RP1L1: variants seen among roughly 807,000 people sequenced by gnomAD.
RP1L1 encodes retinitis pigmentosa 1-like 1 protein.
In RP1L1, 27 loss-of-function variants were observed where a neutral mutation model predicts 15.7. The ratio of observed to expected loss-of-function variants is 1.72; its 90% confidence interval spans 1.27 to 2.38. RP1L1 has a LOEUF of 2.38. Ranked by LOEUF, RP1L1 falls within the 30% of genes most tolerant of loss-of-function variation. The probability of loss-of-function intolerance (pLI) is 0.00; values close to 1 mark genes in which losing one functional copy is unlikely to be tolerated. For synonymous variants in RP1L1, 1,813 were observed against 1,276.7 expected, an observed-to-expected ratio of 1.42 and a Z score of -8.96; for missense variants, 4,798 against 3,075.9, an observed-to-expected ratio of 1.56 and a Z score of -13.24.
rs780322768 is a variant in RP1L1, at chr8:10,622,621, T to C, written c.581A>G (p.Lys194Arg). The C allele has an allele frequency of 3.1e-6, 5 of 1,614,090 alleles. No homozygotes were observed. The South Asian group carries it at 3.3e-5, about 11-fold the overall frequency. The change falls in exon 2 of 4, where the codon AAG becomes AGG. Residue 194 changes from lysine to arginine, a missense_variant. Coordinates refer to ENST00000382483, the MANE Select transcript of RP1L1 (RefSeq NM_178857.6). ...KASDLLRFPV[K>R]QLYTTSGKKV... The stretch of plus-strand genomic sequence containing the variant: ...TTTCCCGCTGGTCGTGTACAACTGC[T>C]TCACAGGAAAGCGCAGGAGATCTGA...
Position 10,606,840 on chromosome 8 carries a change from AT to A in RP1L1, c.*54del. On this transcript the variant is annotated 3_prime_UTR_variant, in exon 4 of 4. Coordinates refer to ENST00000382483, the MANE Select transcript of RP1L1 (RefSeq NM_178857.6). ...AACGTTGCTCAGTTTTGTAGAAAAA[AT>A]ATGAATAAAAACAGAGCTCCCAAGC... 1 of 1,611,162 alleles carries A rather than the reference AT, an allele frequency of 6.2e-7. No individual in the cohort carries two copies. Among genetic ancestry groups the A allele is most frequent in the Admixed American group, 1.7e-5 (1 of 59,998 alleles).
intron 1 of RP1L1, among the ~76,000 whole-genome samples, chr8:10,634,521 T>C (rs1263849306): frequency 6.6e-6 from 1 of 152,186 alleles, no homozygotes; most frequent in East Asian, 1.9e-4. Flanking sequence ...GGTCTGGTGT[T>C]GCTGTGTGGA....
At chr8:10,638,702 G>C (rs1798365031) in intron 1 of RP1L1, among the ~76,000 whole-genome samples, 1 of 152,224 alleles carries the variant, frequency 6.6e-6, no homozygotes, top group African/African-American at 2.4e-5. Context: ...CAAAGAAAGA[G>C]TTAACGTAGC....
At position 10,610,979 on chromosome 8, in the gene RP1L1, T is replaced by A; in HGVS notation, c.3119A>T (p.Glu1040Val). The A allele has an allele frequency of 6.2e-7, 1 of 1,612,486 alleles. No individual in the cohort carries two copies. Among genetic ancestry groups the A allele is most frequent in the African/African-American group, 1.3e-5 (1 of 75,016 alleles). ...GSSDTGPQSG[E>V]GVPQGAAPEG... is the part of the protein sequence containing the mutation. ...TGGAGCTGCCCCTTGGGGGACACCC[T>A]CTCCTGATTGGGGACCAGTGTCACT... Residue 1040 changes from glutamate (E) to valine (V), a missense_variant, in exon 4 of 4, where the codon GAG (glutamate) becomes GTG (valine). Transcript: ENST00000382483.
chr8:10,648,688 T>A (rs571506063), intron 1 of RP1L1, among the ~76,000 whole-genome samples: 3 of 152,308 alleles, frequency 2.0e-5, no homozygotes, highest in East Asian at 3.9e-4. Context: ...CGAAAGGCAA[T>A]GAGATCCAGT....
intron 3 of RP1L1, among the ~76,000 whole-genome samples, chr8:10,615,380 T>A (rs1334372802): frequency 6.6e-6 from 1 of 152,190 alleles, no homozygotes; most frequent in Non-Finnish European, 1.5e-5. Flanking sequence ...GATATATGGT[T>A]GGTTGTATGG....
chr8:10,629,033 T>C (rs1798200565), intron 1 of RP1L1, among the ~76,000 whole-genome samples: 1 of 152,184 alleles, frequency 6.6e-6, no homozygotes, highest in East Asian at 1.9e-4. Flanking sequence ...GCTCGGCACA[T>C]CACAAGTGCT....
chr8:10,612,902 C>A lies in RP1L1; in HGVS notation c.1196G>T (p.Gly399Val). The change falls in exon 4 of 4, where the codon GGG (glycine) becomes GTG (valine). Residue 399 changes from glycine (G) to valine (V), a missense_variant. Physicochemically the swap from Gly to Val is moderately radical, Grantham distance 109 (BLOSUM62 -3). Transcript: ENST00000382483. ...VGCREVFGRG[G>V]QPGPKYEIWT... ...GATTTCATACTTGGGCCCTGGCTGC[C>A]CGCCTCGGCCAAAGACTTCCCTGCA... The A allele has an allele frequency of 6.2e-7, 1 of 1,613,060 alleles. No individual in the cohort carries two copies. The highest frequency in any genetic ancestry group is 8.5e-7 in the Non-Finnish European group (1 of 1,179,934).
At chr8:10,631,957 G>A (rs1215805166) in intron 1 of RP1L1, among the ~76,000 whole-genome samples, 4 of 152,174 alleles carry the variant, frequency 2.6e-5, no homozygotes, top group South Asian at 2.1e-4. Context: ...TGACACTTGC[G>A]GTGGCCCCAG....
rs764167908 is a variant in RP1L1, at chr8:10,611,992, T to G, written c.2106A>C (p.Pro702=). Residue 702 remains proline, a synonymous_variant, in exon 4 of 4, where the codon CCA becomes CCC. Transcript: ENST00000382483. ...TGCTCGATGAGCTTCCAGAATATCG[T>G]GGCACTGAGCCATCCTGGCAGGCCC... ...RRRACQDGSV[P]RYSGSSSSTR... The G allele has an allele frequency of 1.2e-6, 2 of 1,613,802 alleles. No homozygotes were observed. Among genetic ancestry groups the G allele is most frequent in the Non-Finnish European group, 1.7e-6 (2 of 1,179,984 alleles).
At chr8:10,624,761 G>A (rs559490552) in intron 1 of RP1L1, among the ~76,000 whole-genome samples, 16 of 152,178 alleles carry the variant, frequency 1.1e-4, no homozygotes, top group East Asian at 1.9e-4. Flanking sequence ...TCCCTGCGTC[G>A]GGGTGTTCAA....
Position 10,608,913 on chromosome 8 carries a change from C to T in RP1L1, c.5185G>A (p.Gly1729Arg), listed in dbSNP as rs781148477. ...CCCTGGCTCAGCCCCGGCCCCAGCC[C>T]TCCCTCAGCTCCCTGGACAGTCCTA... ...STRTVQGAEG[G>R]LGPGLSQGPG... is the part of the protein sequence containing the mutation. The change falls in exon 4 of 4, where the codon GGG (glycine) becomes AGG (arginine). Residue 1729 changes from glycine to arginine, a missense_variant. By Grantham distance (125) the Gly-to-Arg change is moderately radical. Transcript: ENST00000382483. 3.1e-5 allele frequency: 50 copies of T among 1,613,970 alleles called. No homozygotes were observed. The South Asian group carries it at 5.3e-4, about 17-fold the overall frequency.
At position 10,612,422 on chromosome 8, in the gene RP1L1, G is replaced by C. The variant is rs759633864; in HGVS notation, c.1676C>G (p.Ala559Gly). The change falls in exon 4 of 4, where the codon GCA becomes GGA. Residue 559 changes from alanine (A) to glycine (G), a missense_variant. Physicochemically the swap from Ala to Gly is moderately conservative, Grantham distance 60 (BLOSUM62 0). Transcript: ENST00000382483. ...GGRPQGCPGK[A>G]RAETSQQEAS... ...CTCCTGCTGAGAGGTCTCGGCCCTT[G>C]CCTTGCCTGGACAGCCCTGGGGCCG... 6.2e-7 allele frequency: 1 copy of C among 1,612,520 alleles called. No individual in the cohort carries two copies. The highest frequency in any genetic ancestry group is 1.7e-5 in the Admixed American group (1 of 60,012).
intron 2 of RP1L1, among the ~76,000 whole-genome samples, chr8:10,619,789 A>T (rs1798029366): frequency 6.6e-6 from 1 of 151,550 alleles, no homozygotes; most frequent in African/African-American, 2.4e-5. Flanking sequence ...AACCCAAAAC[A>T]AACAACAACA....
chr8:10,641,378 A>G (rs182934063), intron 1 of RP1L1, among the ~76,000 whole-genome samples: 17 of 152,342 alleles, frequency 1.1e-4, no homozygotes, highest in African/African-American at 3.8e-4. Context: ...GTGACCTTGT[A>G]TCAATGAGAA....
chr8:10,618,471 C>G (rs1453878122), intron 2 of RP1L1, among the ~76,000 whole-genome samples: 1 of 152,196 alleles, frequency 6.6e-6, no homozygotes, highest in Non-Finnish European at 1.5e-5. Flanking sequence ...CGTGCCACTG[C>G]ACTCCAGCCT....
In RP1L1 at chr8:10,610,040, T is replaced by C. The variant is rs747592079; in HGVS notation, c.4058A>G (p.Glu1353Gly). Residue 1353 changes from glutamate (E) to glycine (G), a missense_variant, in exon 4 of 4, where the codon GAG becomes GGG. Transcript: ENST00000382483. ...ETEGEGQQEE[E>G]AQLEEIEETG... ...TTCTTCAATTTCCTCTAACTGCGCC[T>C]CTTCTTCTTGCTGTCCTTCTCCTTC... 3.0e-5 allele frequency: 44 copies of C among 1,468,738 alleles called. 1 individual carries two copies. In the African/African-American group the frequency reaches 3.6e-4, roughly 12 times the overall value. 91.0% of individuals were successfully genotyped at this position (1,468,738 alleles called of 1,614,324 possible). A position where few individuals can be genotyped will look rare whatever the true frequency, so the allele number is the denominator to read the frequency against.
At chr8:10,632,151 T>C (rs1034473654) in intron 1 of RP1L1, among the ~76,000 whole-genome samples, 2 of 151,974 alleles carry the variant, frequency 1.3e-5, no homozygotes, top group Admixed American at 6.6e-5. Flanking sequence ...AGGAGTGTGG[T>C]TTTGCACTCC....
rs779892572 is a variant in RP1L1 at position 10,611,947 on chromosome 8, C to A, written c.2151G>T (p.Gly717=). The change falls in exon 4 of 4, where the codon GGG becomes GGT. Residue 717 remains glycine (G), a synonymous_variant. Coordinates refer to ENST00000382483, the MANE Select transcript of RP1L1 (RefSeq NM_178857.6). ...AGCCCGAGGAGGGAGGTCTCAGGTT[C>A]CCAGAGGCCTGTGTCCTGGTGCTCG... ...SSSSTRTQAS[G]NLRPPSSGSL... is the part of the protein sequence containing the mutation. The A allele has an allele frequency of 2.5e-6, 4 of 1,613,862 alleles. No homozygotes were observed. The South Asian group carries it at 4.4e-5, about 18-fold the overall frequency.
Sources: gnomAD v4.1 joint callset for allele counts (sites outside exome capture counted in the v4.1 genomes callset) on GRCh38, gnomAD v4.1.1 for gene constraint, MANE v1.5 for transcripts, NCBI Gene and HGNC (gene_info 2026-07-23, HGNC 2026-07-21) for gene names.